The following ST18 variants were observed in gnomAD, a reference collection of about 807,000 sequenced individuals.
ST18 encodes ST18 C2H2C-type zinc finger transcription factor.
Under a neutral mutation model 110.0 loss-of-function variants are expected in ST18, and 50 were observed. That is an observed-to-expected ratio of 0.45 (90% confidence interval 0.36 to 0.58). ST18 has a LOEUF of 0.58. Ranked by LOEUF, ST18 falls within the 20% of genes least tolerant of loss-of-function variation. ST18 has a pLI of 0.00. For synonymous variants in ST18, 461 were observed against 452.4 expected, an observed-to-expected ratio of 1.02 and a Z score of -0.24; for missense variants, 1,306 against 1,280.1, an observed-to-expected ratio of 1.02 and a Z score of -0.31.
At chr8:52,265,218 G>C (rs914722016) in intron 2 of ST18, among the ~76,000 whole-genome samples, 1 of 152,150 alleles carries the variant, frequency 6.6e-6, no homozygotes, top group African/African-American at 2.4e-5. Flanking sequence ...GCAGGAGCCT[G>C]GTATATTTGA....
chr8:52,215,052 G>A (rs905437475), intron 6 of ST18, among the ~76,000 whole-genome samples: 5 of 152,174 alleles, frequency 3.3e-5, no homozygotes, highest in Admixed American at 6.5e-5. Flanking sequence ...TTATCAGGAG[G>A]AATTCTTAAA....
intron 2 of ST18, chr8:52,403,810 T>C (rs1843579428): frequency 6.6e-6 from 1 of 152,240 alleles, no homozygotes; most frequent in Non-Finnish European, 1.5e-5. Context: ...TAACTCTTAA[T>C]ATGATTGTAA....
chr8:52,153,783 T>C (rs911518184), intron 15 of ST18, among the ~76,000 whole-genome samples: 6 of 152,232 alleles, frequency 3.9e-5, no homozygotes, highest in African/African-American at 1.4e-4. Context: ...ACAGTTATAG[T>C]TGTGCCACTC....
chr8:52,348,693 G>A (rs1476752553), intron 2 of ST18, among the ~76,000 whole-genome samples: 5 of 152,112 alleles, frequency 3.3e-5, no homozygotes, highest in East Asian at 1.9e-4. Flanking sequence ...GCAGTGAGCC[G>A]AGATCGTGCC....
intron 21 of ST18, 40 bp from the exon 22 acceptor site, chr8:52,132,219 C>A: frequency 1.3e-6 from 2 of 1,545,098 alleles, no homozygotes; most frequent in Non-Finnish European, 1.8e-6. Context: ...AGGAAGAAGG[C>A]AGTGATAGTC....
intron 2 of ST18, among the ~76,000 whole-genome samples, chr8:52,281,459 A>C (rs1348317250): frequency 6.6e-6 from 1 of 152,226 alleles, no homozygotes; most frequent in Non-Finnish European, 1.5e-5. Flanking sequence ...AATAAACAAT[A>C]TTAGAAATGC....
intron 2 of ST18, among the ~76,000 whole-genome samples, chr8:52,357,724 TATATATAA>T (rs1431403442): frequency 1.0e-5 from 1 of 97,016 alleles, no homozygotes; most frequent in Non-Finnish European, 2.1e-5. Flanking sequence ...TATATATATA[TATATATAA>T]AACAGACTCA....
At chr8:52,175,477 A>G (rs1000752663) in intron 9 of ST18, among the ~76,000 whole-genome samples, 1 of 152,034 alleles carries the variant, frequency 6.6e-6, no homozygotes, top group African/African-American at 2.4e-5. Context: ...GGAGGAAGAA[A>G]CCTCTAGGGG....
At chr8:52,390,121 C>A (rs193269500) in intron 2 of ST18, among the ~76,000 whole-genome samples, 1 of 152,040 alleles carries the variant, frequency 6.6e-6, no homozygotes, top group Non-Finnish European at 1.5e-5. Context: ...GTTTCCCATG[C>A]GAGCATGCTG....
At chr8:52,349,755 C>T (rs567566946) in intron 2 of ST18, among the ~76,000 whole-genome samples, 7 of 152,150 alleles carry the variant, frequency 4.6e-5, no homozygotes, top group East Asian at 1.9e-4. Context: ...ACAGATGGCA[C>T]GCTCAAGCCG....
At chr8:52,306,876 A>G (rs567090901) in intron 2 of ST18, among the ~76,000 whole-genome samples, 2 of 152,362 alleles carry the variant, frequency 1.3e-5, no homozygotes, top group South Asian at 2.1e-4. Context: ...TTTTGCACCA[A>G]CCTAATATAT....
intron 8 of ST18, among the ~76,000 whole-genome samples, chr8:52,209,786 A>ATATATAT (rs778525182): frequency 7.5e-6 from 1 of 133,546 alleles, no homozygotes; most frequent in South Asian, 2.3e-4. Flanking sequence ...AAAAAAAAAA[A>ATATATAT]AAATATATAT....
At chr8:52,239,239 C>CT (rs1050822232) in intron 2 of ST18, among the ~76,000 whole-genome samples, 2 of 152,178 alleles carry the variant, frequency 1.3e-5, no homozygotes, top group Middle Eastern at 3.4e-3. Flanking sequence ...TGCAGAGTTT[C>CT]TTTTTTGTGA....
Position 52,163,997 on chromosome 8 carries a change from G to C in ST18, c.1389C>G (p.Asp463Glu). Residue 463 changes from aspartate to glutamate, a missense_variant, in exon 13 of 26, where the codon GAC becomes GAG. Asp to Glu is a conservative substitution (Grantham distance 45). Coordinates refer to ENST00000689386, the MANE Select transcript of ST18 (RefSeq NM_001352837.2). ...TTAGGGGTTCATACCTGTGGGCCTG[G>C]TCAGGACACTGCCCAGTTTGGGGAG... The part of the protein sequence containing the change: ...LDSPQTGQCP[D>E]QAHRTSLVKQ... 1 of 1,613,896 alleles carries C rather than the reference G, an allele frequency of 6.2e-7. No individual in the cohort carries two copies. Among genetic ancestry groups the C allele is most frequent in the Admixed American group, 1.7e-5 (1 of 60,004 alleles).
intron 2 of ST18, among the ~76,000 whole-genome samples, chr8:52,247,398 T>G (rs982154150): frequency 5.9e-5 from 9 of 152,176 alleles, no homozygotes; most frequent in Non-Finnish European, 1.2e-4. Context: ...ACAGACCTAT[T>G]CTGTTTTGAA....
chr8:52,163,982 A>C lies in ST18; in HGVS notation c.1400+4T>G, dbSNP rs867975288. On this transcript the variant is annotated splice_donor_region_variant and intron_variant, in intron 13 of 25. Transcript: ENST00000689386. ...GCACTGAGAACATCGTTAGGGGTTC[A>C]TACCTGTGGGCCTGGTCAGGACACT... 2 of 1,612,012 alleles carry C rather than the reference A, an allele frequency of 1.2e-6. No individual in the cohort carries two copies. Among genetic ancestry groups the C allele is most frequent in the Non-Finnish European group, 1.7e-6 (2 of 1,178,272 alleles).
chr8:52,379,098 C>CT (rs149825559), intron 2 of ST18, among the ~76,000 whole-genome samples: 111,693 of 143,012 alleles, frequency 0.78, 46,850 homozygotes, highest in Non-Finnish European at 0.93. Context: ...TATTTCTTTT[C>CT]TTTCTTTTTT....
chr8:52,147,914 A>G (rs1377800838), intron 16 of ST18, among the ~76,000 whole-genome samples: 2 of 152,202 alleles, frequency 1.3e-5, no homozygotes, highest in Admixed American at 6.5e-5. Context: ...TTTTGATCTC[A>G]TCACAATTGT....
chr8:52,214,658 C>G (rs1174425679), intron 6 of ST18, among the ~76,000 whole-genome samples: 1 of 152,186 alleles, frequency 6.6e-6, no homozygotes, highest in Non-Finnish European at 1.5e-5. Context: ...CCAGACTCTT[C>G]CTGATACATA....
Sources: allele counts gnomAD v4.1 joint callset (sites outside exome capture counted in the v4.1 genomes callset), GRCh38; gene constraint gnomAD v4.1.1; transcripts MANE v1.5; gene names NCBI Gene and HGNC (gene_info 2026-07-23, HGNC 2026-07-21).